NRXN3: variants seen among roughly 807,000 people sequenced by gnomAD.
NRXN3 encodes neurexin III.
Under a neutral mutation model 137.6 loss-of-function variants are expected in NRXN3, and 32 were observed. That is an observed-to-expected ratio of 0.23 (90% confidence interval 0.18 to 0.31). NRXN3 has a LOEUF of 0.31. Among genes scored for constraint, NRXN3 ranks in the 10% least tolerant of loss-of-function variants. The probability of loss-of-function intolerance (pLI) is 1.00; values close to 1 mark genes in which losing one functional copy is unlikely to be tolerated. For synonymous variants in NRXN3, 798 were observed against 784.5 expected, an observed-to-expected ratio of 1.02 and a Z score of -0.29; for missense variants, 1,574 against 2,062.5, an observed-to-expected ratio of 0.76 and a Z score of 4.59.
intron 16 of NRXN3, among the ~76,000 whole-genome samples, chr14:79,580,571 G>A (rs2097705989): frequency 6.6e-6 from 1 of 152,112 alleles, no homozygotes; most frequent in Non-Finnish European, 1.5e-5. Flanking sequence ...GCATTCACGG[G>A]TGCTATTTAC....
intron 4 of NRXN3, among the ~76,000 whole-genome samples, chr14:78,503,191 A>C (rs2095913363): frequency 6.6e-6 from 1 of 152,202 alleles, no homozygotes; most frequent in Admixed American, 6.5e-5. Flanking sequence ...ATAATACCTA[A>C]GGGCAAAATA....
At chr14:78,504,500 A>C (rs2095942774) in intron 4 of NRXN3, among the ~76,000 whole-genome samples, 1 of 152,144 alleles carries the variant, frequency 6.6e-6, no homozygotes, top group South Asian at 2.1e-4. Flanking sequence ...TAAAGGAGAG[A>C]TGAATGAGGA....
chr14:78,484,808 G>T (rs1280503055), intron 4 of NRXN3, among the ~76,000 whole-genome samples: 4 of 152,190 alleles, frequency 2.6e-5, no homozygotes, highest in African/African-American at 9.6e-5. Context: ...TTCTCTAAGA[G>T]AATGGGATAT....
At chr14:79,091,311 T>A (rs77951206) in intron 15 of NRXN3, among the ~76,000 whole-genome samples, 4,274 of 152,160 alleles carry the variant, frequency 0.028, 203 homozygotes, top group African/African-American at 0.098. Context: ...AGATAAGAAA[T>A]TTGCATTGAT....
intron 4 of NRXN3, among the ~76,000 whole-genome samples, chr14:78,397,629 A>G (rs531455581): frequency 3.3e-5 from 5 of 151,684 alleles, no homozygotes; most frequent in African/African-American, 1.2e-4. Context: ...TTTGTGACAG[A>G]GTCTAGCTCT....
intron 4 of NRXN3, among the ~76,000 whole-genome samples, chr14:78,431,085 C>A (rs985599643): frequency 2.6e-5 from 4 of 151,954 alleles, no homozygotes; most frequent in African/African-American, 9.7e-5. Context: ...GAGTGAAATC[C>A]ACCTTAAGTA....
chr14:78,631,051 A>T (rs1345807331), intron 4 of NRXN3, among the ~76,000 whole-genome samples: 1 of 152,130 alleles, frequency 6.6e-6, no homozygotes, highest in Non-Finnish European at 1.5e-5. Context: ...TCTGTTGTTT[A>T]TCCTAGTCTC....
At position 79,647,920 on chromosome 14, in the gene NRXN3, CAT is replaced by C. The variant is rs1239392306; in HGVS notation, c.3445-15854_3445-15853del. ...AGAGTTTAAATAATATTGTCAAAAA[CAT>C]ATAGGAAGTGATGAAGTTAAGCTTT... On this transcript the variant is annotated intron_variant, in intron 16 of 20. Transcript: ENST00000335750. 1.7e-4 allele frequency among the ~76,000 whole-genome samples: 23 copies of C among 134,706 alleles called. 3 individuals carry two copies. Among genetic ancestry groups the C allele is most frequent in the Non-Finnish European group, 2.2e-4 (13 of 58,050 alleles). The allele number at this position is 134,706 out of a possible 152,430, so 88.4% of individuals were successfully genotyped here. A position where few individuals can be genotyped will look rare whatever the true frequency, so the allele number is the denominator to read the frequency against.
intron 11 of NRXN3, 97 bp downstream of exon 11, chr14:78,957,458 T>C (rs2099399017): frequency 2.2e-6 from 3 of 1,362,940 alleles, no homozygotes; most frequent in Admixed American, 2.1e-5. Flanking sequence ...TTATTTTGCA[T>C]AGTAGAAGTC....
Position 78,713,125 on chromosome 14 carries a change from G to C in NRXN3, c.1661-1631G>C, listed in dbSNP as rs74067517. ...CCAGTTCGGGAAATTGAGCCATAAAGTGGTTCAGGGATTGGCCTAGGGTCA... is the reference window on the plus strand; with the variant it reads ...CCAGTTCGGGAAATTGAGCCATAAACTGGTTCAGGGATTGGCCTAGGGTCA... On this transcript the variant is annotated intron_variant, in intron 7 of 20. Transcript: ENST00000335750. 1.4e-3 allele frequency among the ~76,000 whole-genome samples: 207 copies of C among 152,312 alleles called. 1 individual carries two copies. The highest frequency in any genetic ancestry group is 4.9e-3 in the African/African-American group (202 of 41,572).
chr14:78,306,768 G>GC (rs2077412282), intron 4 of NRXN3, among the ~76,000 whole-genome samples: 1 of 152,078 alleles, frequency 6.6e-6, no homozygotes, highest in Non-Finnish European at 1.5e-5. Context: ...TTCAATATTA[G>GC]AAAAGCAATG....
intron 2 of NRXN3, among the ~76,000 whole-genome samples, chr14:78,249,131 C>T (rs1024251671): frequency 2.6e-5 from 4 of 152,206 alleles, no homozygotes; most frequent in African/African-American, 9.6e-5. Flanking sequence ...ATCTCTGCCT[C>T]CTTTAATGAA....
intron 16 of NRXN3, among the ~76,000 whole-genome samples, chr14:79,524,084 CG>C (rs1243793060): frequency 6.6e-6 from 1 of 152,102 alleles, no homozygotes; most frequent in Non-Finnish European, 1.5e-5. Context: ...AACTATCTTG[CG>C]GAGGAGAGGT....
chr14:79,616,218 G>A (rs2098154136), intron 16 of NRXN3, among the ~76,000 whole-genome samples: 2 of 152,034 alleles, frequency 1.3e-5, no homozygotes, highest in Non-Finnish European at 2.9e-5. Flanking sequence ...TGGCTACATG[G>A]CTTTCACAGT....
intron 15 of NRXN3, among the ~76,000 whole-genome samples, chr14:79,441,366 CTTTTTTTTTTTTTTT>C (rs869170695): frequency 3.0e-5 from 2 of 67,232 alleles, no homozygotes; most frequent in African/African-American, 6.2e-5. Context: ...AACAGAAAAT[CTTTTTTTTTTTTTTT>C]TTTTTTTTTT....
intron 15 of NRXN3, among the ~76,000 whole-genome samples, chr14:79,028,616 G>A (rs1297825583): frequency 1.3e-5 from 2 of 152,140 alleles, no homozygotes. Flanking sequence ...CAGTATAAAT[G>A]ACTGGTGTTT....
intron 15 of NRXN3, among the ~76,000 whole-genome samples, chr14:79,294,704 ACAG>A (rs2083752668): frequency 6.6e-6 from 1 of 152,290 alleles, no homozygotes; most frequent in African/African-American, 2.4e-5. Flanking sequence ...GGATAGGTAA[ACAG>A]CAGAGAGGAG....
intron 15 of NRXN3, among the ~76,000 whole-genome samples, chr14:79,055,953 G>C (rs924453403): frequency 2.6e-5 from 4 of 152,166 alleles, no homozygotes; most frequent in Admixed American, 6.5e-5. Flanking sequence ...GAAATGTCAA[G>C]AACTTTGTAC....
At chr14:78,814,126 A>G (rs1164153890) in intron 10 of NRXN3, among the ~76,000 whole-genome samples, 1 of 152,256 alleles carries the variant, frequency 6.6e-6, no homozygotes, top group African/African-American at 2.4e-5. Flanking sequence ...AACATATATT[A>G]CAGAGTGTGT....
Sources: gnomAD v4.1 joint callset for allele counts (sites outside exome capture counted in the v4.1 genomes callset) on GRCh38, gnomAD v4.1.1 for gene constraint, MANE v1.5 for transcripts, NCBI Gene and HGNC (gene_info 2026-07-23, HGNC 2026-07-21) for gene names.